COLEC12: variants seen among roughly 807,000 people sequenced by gnomAD.
COLEC12 encodes collectin-12.
A neutral mutation model predicts 71.1 loss-of-function variants in COLEC12; 33 were observed. That is an observed-to-expected ratio of 0.46 (90% CI 0.35 to 0.62). The LOEUF (loss-of-function observed/expected upper bound fraction) is 0.62, where lower values mean the gene tolerates loss of function less well. Among genes scored for constraint, COLEC12 ranks in the 20% least tolerant of loss-of-function variants. The probability of loss-of-function intolerance (pLI) is 0.00; values close to 1 mark genes in which losing one functional copy is unlikely to be tolerated. For synonymous variants in COLEC12, 350 were observed against 353.0 expected (o/e 0.99, Z 0.10); for missense variants, 765 against 916.1 (o/e 0.84, Z 2.13).
At chr18:450,289 T>G (rs1418609065) in intron 2 of COLEC12, among the ~76,000 whole-genome samples, 2 of 152,222 alleles carry the variant, frequency 1.3e-5, no homozygotes, top group African/African-American at 4.8e-5. Flanking sequence ...CCAAATCTCA[T>G]GTCGATTTGT....
intron 2 of COLEC12, among the ~76,000 whole-genome samples, chr18:365,677 C>T (rs560848399): frequency 6.6e-6 from 1 of 152,230 alleles, no homozygotes; most frequent in African/African-American, 2.4e-5. Context: ...TTACCTCTAG[C>T]CTCTTAGCCT....
chr18:480,587 A>G lies in COLEC12; in HGVS notation c.58+120T>C. The G allele has an allele frequency of 2.3e-6, 2 of 888,214 alleles. No homozygotes were observed. The highest frequency in any genetic ancestry group is 3.8e-6 in the Non-Finnish European group (2 of 526,596). 55.0% of individuals were successfully genotyped at this position (888,214 alleles called of 1,614,324 possible). A position where few individuals can be genotyped will look rare whatever the true frequency, so the allele number is the denominator to read the frequency against. ...CACTTTCCAACCAAAATTGGACCTC[A>G]GAGCCACAAACACCCATGTGCATGA... On this transcript the variant is annotated intron_variant, in intron 2 of 9. Transcript: ENST00000400256. The surrounding 1 kb of genome is among the most constrained non-coding windows in gnomAD (Gnocchi z 4.1).
chr18:490,675 G>A (rs1917604061), intron 1 of COLEC12, among the ~76,000 whole-genome samples: 1 of 152,224 alleles, frequency 6.6e-6, no homozygotes, highest in African/African-American at 2.4e-5. Flanking sequence ...AACCAGCACT[G>A]ATAACCAGAT....
In COLEC12 at chr18:377,396, G is replaced by T. The variant is rs552811371; in HGVS notation, c.59-19874C>A. 1.6e-4 allele frequency among the ~76,000 whole-genome samples: 25 copies of T among 152,322 alleles called. 1 individual carries two copies. Among genetic ancestry groups the T allele is most frequent in the African/African-American group, 6.0e-4 (25 of 41,574 alleles). Reference sequence around the variant, plus strand: ...AAAGAACCCGTAGGAATTAGGACTGGAACCCCCAGCAAGCTTGCATTCCCT... The same window carrying T: ...AAAGAACCCGTAGGAATTAGGACTGTAACCCCCAGCAAGCTTGCATTCCCT... On this transcript the variant is annotated intron_variant, in intron 2 of 9. Transcript: ENST00000400256.
intron 2 of COLEC12, among the ~76,000 whole-genome samples, chr18:476,587 CCG>C (rs10577038): frequency 0.046 from 7,062 of 152,308 alleles, 238 homozygotes; most frequent in Admixed American, 0.12. Context: ...TCTAGCGCCC[CCG>C]CCCCAGTGCA....
intron 2 of COLEC12, among the ~76,000 whole-genome samples, chr18:465,534 A>G (rs1351710837): frequency 6.6e-6 from 1 of 152,226 alleles, no homozygotes; most frequent in Non-Finnish European, 1.5e-5. Flanking sequence ...CTGAAATACA[A>G]ATCTCTTAAA....
chr18:356,364 G>C (rs1202837566), intron 3 of COLEC12, among the ~76,000 whole-genome samples: 1 of 152,140 alleles, frequency 6.6e-6, no homozygotes, highest in East Asian at 1.9e-4. Flanking sequence ...ACAGTAGCAA[G>C]CACTTACTGA....
chr18:321,578 T>A lies in COLEC12; in HGVS notation c.2209+84A>T, dbSNP rs1180338196. The A allele has an allele frequency of 3.5e-6, 5 of 1,448,132 alleles. No homozygotes were observed. In the African/African-American group the frequency reaches 7.0e-5, roughly 20 times the overall value. The allele number at this position is 1,448,132 out of a possible 1,614,324, so 89.7% of individuals were successfully genotyped here. ...CTGAAACCTAATTGCAGTGCCTGCA[T>A]TCAGGGCCCTTGTACTCACCACCCC... On this transcript the variant is annotated intron_variant, in intron 9 of 9. Coordinates refer to ENST00000400256, the MANE Select transcript of COLEC12 (RefSeq NM_130386.3).
At chr18:489,243 G>A (rs1917576784) in intron 1 of COLEC12, among the ~76,000 whole-genome samples, 1 of 152,180 alleles carries the variant, frequency 6.6e-6, no homozygotes, top group Admixed American at 6.5e-5. Context: ...CAGTGCTTTC[G>A]AAATTCTAAG....
At chr18:441,064 C>T (rs1397836113) in intron 2 of COLEC12, among the ~76,000 whole-genome samples, 7 of 145,630 alleles carry the variant, frequency 4.8e-5, no homozygotes, top group Non-Finnish European at 1.1e-4. Context: ...CTGGCTAACA[C>T]AGTGAAACCC....
In COLEC12 at chr18:327,459, T is replaced by A. The variant is rs1913871297; in HGVS notation, c.2063+4209A>T. ...CACGCCACCCTTTCCCCTCAGCTGG[T>A]CCTGTCCTGCTGCGGTGCAGAAAGA... On this transcript the variant is annotated intron_variant, in intron 8 of 9. Transcript: ENST00000400256. The surrounding 1 kb of genome is among the most constrained non-coding windows in gnomAD (Gnocchi z 4.0). 6.6e-6 allele frequency among the ~76,000 whole-genome samples: 1 copy of A among 152,168 alleles called. No individual in the cohort carries two copies. Among genetic ancestry groups the A allele is most frequent in the Admixed American group, 6.5e-5 (1 of 15,272 alleles).
rs146649868 is a variant in COLEC12, at chr18:347,890, C to T, written c.280+175G>A. On this transcript the variant is annotated intron_variant, in intron 4 of 9. Coordinates refer to ENST00000400256, the MANE Select transcript of COLEC12 (RefSeq NM_130386.3). ...GCAGGACTTAATTCCAAAACTGACC[C>T]TTAACTTTAAAATTTAAGCATTTGA... Among the ~76,000 whole-genome samples, 619 of 152,068 alleles carry T rather than the reference C, an allele frequency of 4.1e-3. 22 individuals carry two copies. The highest frequency in any genetic ancestry group is 0.038 in the Admixed American group (576 of 15,282).
intron 2 of COLEC12, among the ~76,000 whole-genome samples, chr18:365,235 A>C (rs1914829236): frequency 6.6e-6 from 1 of 152,236 alleles, no homozygotes; most frequent in African/African-American, 2.4e-5. Context: ...CTGTGGTGAC[A>C]TACTTAAGCA....
chr18:493,707 A>C (rs1291158587), intron 1 of COLEC12, among the ~76,000 whole-genome samples: 1 of 152,256 alleles, frequency 6.6e-6, no homozygotes. Context: ...TTTAAAGAAT[A>C]AATGAAGGCT....
intron 2 of COLEC12, among the ~76,000 whole-genome samples, chr18:367,761 G>T (rs1041005791): frequency 6.6e-6 from 1 of 152,174 alleles, no homozygotes; most frequent in Non-Finnish European, 1.5e-5. Context: ...ACGGAATGAC[G>T]ACCATCCCTG....
Position 480,438 on chromosome 18 carries a change from T to C in COLEC12, c.58+269A>G, listed in dbSNP as rs1917391463. ...GCCTTTCCCGCTACACTTTGTCTAG[T>C]AGGCTGTCTCTTTTCCATTCAGCAG... is the stretch of plus-strand genomic sequence containing the variant. On this transcript the variant is annotated intron_variant, in intron 2 of 9. Transcript: ENST00000400256. This position sits in a 1 kb window ranked among gnomAD's most constrained non-coding sequence, Gnocchi z 4.1. 6.6e-6 allele frequency among the ~76,000 whole-genome samples: 1 copy of C among 152,222 alleles called. No individual in the cohort carries two copies. The highest frequency in any genetic ancestry group is 1.5e-5 in the Non-Finnish European group (1 of 68,034).
intron 5 of COLEC12, among the ~76,000 whole-genome samples, chr18:345,364 C>T (rs572431625): frequency 4.6e-5 from 7 of 152,238 alleles, no homozygotes; most frequent in Non-Finnish European, 4.4e-5. Flanking sequence ...TCAGATTATA[C>T]GTATGTATTC....
At chr18:413,867 T>C (rs1330636250) in intron 2 of COLEC12, among the ~76,000 whole-genome samples, 1 of 152,214 alleles carries the variant, frequency 6.6e-6, no homozygotes, top group Non-Finnish European at 1.5e-5. Context: ...CTCTAGACAA[T>C]TATGCTCAGT....
chr18:425,821 G>A (rs1270230418), intron 2 of COLEC12, among the ~76,000 whole-genome samples: 1 of 152,148 alleles, frequency 6.6e-6, no homozygotes, highest in Non-Finnish European at 1.5e-5. Flanking sequence ...ATGACCTGGT[G>A]AGTTTAAGAA....
Sources: gnomAD v4.1 joint callset for allele counts (sites outside exome capture counted in the v4.1 genomes callset) on GRCh38, gnomAD v4.1.1 for gene constraint, Gnocchi (gnomAD v3.1) non-coding constraint, MANE v1.5 for transcripts, NCBI Gene and HGNC (gene_info 2026-07-23, HGNC 2026-07-21) for gene names.